Variants in SMARCC1 observed in about 807,000 individuals in gnomAD.
The protein encoded by SMARCC1 is SWI/SNF related BAF chromatin remodeling complex subunit C1.
Under a neutral mutation model 147.4 loss-of-function variants are expected in SMARCC1, and 43 were observed. The ratio of observed to expected loss-of-function variants is 0.29; its 90% CI spans 0.23 to 0.38. SMARCC1 has a LOEUF of 0.38. Among genes scored for constraint, SMARCC1 ranks in the 10% least tolerant of loss-of-function variants. The pLI is 1.00. For missense variants in SMARCC1, 1,119 were observed against 1,381.1 expected, an observed-to-expected ratio of 0.81 and a Z score of 3.01; for synonymous variants, 495 against 484.4, an observed-to-expected ratio of 1.02 and a Z score of -0.29.
chr3:47,747,486 A>ATAAATATAAAT (rs1185664403), intron 2 of SMARCC1, among the ~76,000 whole-genome samples: 10 of 12,712 alleles, frequency 7.9e-4, no homozygotes, highest in Non-Finnish European at 5.6e-3. Context: ...TAAATATAAA[A>ATAAATATAAAT]ATTAGCCAGG....
intron 26 of SMARCC1, among the ~76,000 whole-genome samples, chr3:47,591,523 T>C (rs1298891923): frequency 6.6e-6 from 1 of 151,544 alleles, no homozygotes; most frequent in Non-Finnish European, 1.5e-5. Flanking sequence ...TCCCTTTCCT[T>C]TTCCCTTCCT....
At chr3:47,602,018 T>C (rs1165757942) in intron 26 of SMARCC1, among the ~76,000 whole-genome samples, 3 of 151,908 alleles carry the variant, frequency 2.0e-5, no homozygotes, top group African/African-American at 4.8e-5. Flanking sequence ...GCTTTTCTTT[T>C]TCGGTGTGGG....
chr3:47,734,019 A>G (rs2034410887), intron 5 of SMARCC1, among the ~76,000 whole-genome samples: 1 of 152,048 alleles, frequency 6.6e-6, no homozygotes, highest in Non-Finnish European at 1.5e-5. Context: ...ATATGTATAC[A>G]CATATGTATA....
intron 2 of SMARCC1, among the ~76,000 whole-genome samples, chr3:47,762,865 G>A (rs2034790356): frequency 6.6e-6 from 1 of 152,288 alleles, no homozygotes; most frequent in East Asian, 1.9e-4. Context: ...AGGAGATCGA[G>A]ACCATCCTGG....
chr3:47,665,623 T>A (rs2033410395), intron 19 of SMARCC1, among the ~76,000 whole-genome samples: 1 of 152,110 alleles, frequency 6.6e-6, no homozygotes, highest in Non-Finnish European at 1.5e-5. Flanking sequence ...GAGTTGAGAA[T>A]CTGTAAATGT....
chr3:47,737,072 T>A (rs78194131), intron 4 of SMARCC1, among the ~76,000 whole-genome samples: 1,568 of 152,144 alleles, frequency 0.01, 23 homozygotes, highest in African/African-American at 0.036. Context: ...AAGTGAACAG[T>A]AGGATGGAAG....
At chr3:47,748,671 T>G (rs1170641581) in intron 2 of SMARCC1, among the ~76,000 whole-genome samples, 1 of 152,176 alleles carries the variant, frequency 6.6e-6, no homozygotes, top group African/African-American at 2.4e-5. Flanking sequence ...TTCCACATTA[T>G]GAAGGTAAAA....
chr3:47,738,716 A>G lies in SMARCC1; in HGVS notation c.402-606T>C, dbSNP rs532310278. On this transcript the variant is annotated intron_variant, in intron 3 of 27. Transcript: ENST00000254480. ...AAAAAATCATTTGTTCAAATTCAGC[A>G]GTATCTGTGTTCTCTTAGATAAAGG... is the stretch of plus-strand genomic sequence containing the variant. Among the ~76,000 whole-genome samples the G allele has an allele frequency of 5.3e-5, 8 of 152,258 alleles. No individual in the cohort carries two copies. The South Asian group carries it at 8.3e-4, about 16-fold the overall frequency.
At chr3:47,766,031 C>G (rs750907603) in intron 2 of SMARCC1, among the ~76,000 whole-genome samples, 6 of 152,126 alleles carry the variant, frequency 3.9e-5, no homozygotes, top group Non-Finnish European at 8.8e-5. Context: ...CTGCCCCCAG[C>G]CTAAATGATT....
chr3:47,772,913 G>A lies in SMARCC1; in HGVS notation c.219C>T (p.Thr73=). 6.2e-7 allele frequency: 1 copy of A among 1,613,058 alleles called. No homozygotes were observed. The highest frequency in any genetic ancestry group is 8.5e-7 in the Non-Finnish European group (1 of 1,179,434). The change falls in exon 2 of 28, where the codon ACC becomes ACT. Residue 73 remains threonine, a synonymous_variant. Coordinates refer to ENST00000254480, the MANE Select transcript of SMARCC1 (RefSeq NM_003074.4). ...YKKYVHADAP[T]NKTLAGLVVQ... ...CCACCAGCCCAGCCAGTGTTTTATTGGTAGGAGCATCCGCATGAACATACT... is the reference window on the plus strand; with the variant it reads ...CCACCAGCCCAGCCAGTGTTTTATTAGTAGGAGCATCCGCATGAACATACT...
Position 47,588,394 on chromosome 3 carries a change from G to A in SMARCC1, c.3221-88C>T, listed in dbSNP as rs558718452. 3.0e-5 allele frequency: 39 copies of A among 1,279,748 alleles called. No individual in the cohort carries two copies. In the African/African-American group the frequency reaches 4.9e-4, roughly 16 times the overall value. 79.3% of individuals were successfully genotyped at this position (1,279,748 alleles called of 1,614,324 possible). On this transcript the variant is annotated intron_variant, in intron 27 of 27. Transcript: ENST00000254480. Reference sequence around the variant, plus strand: ...TATTCAGTGAAAAAAAGACACAGAAGTCCTTTCCTTAGTGGCAGGCAACCA... The same window carrying A: ...TATTCAGTGAAAAAAAGACACAGAAATCCTTTCCTTAGTGGCAGGCAACCA...
At chr3:47,709,646 A>G (rs1164921541) in intron 9 of SMARCC1, among the ~76,000 whole-genome samples, 1 of 152,166 alleles carries the variant, frequency 6.6e-6, no homozygotes, top group African/African-American at 2.4e-5. Context: ...AGATCGCGCC[A>G]CTGCATTCCA....
intron 2 of SMARCC1, among the ~76,000 whole-genome samples, chr3:47,760,525 T>C (rs931416962): frequency 6.6e-6 from 1 of 151,414 alleles, no homozygotes; most frequent in Non-Finnish European, 1.5e-5. Flanking sequence ...AGCTGGGCGT[T>C]GTGGCGCATG....
chr3:47,730,448 G>A (rs1207210597), intron 5 of SMARCC1, among the ~76,000 whole-genome samples: 6 of 152,132 alleles, frequency 3.9e-5, no homozygotes, highest in Non-Finnish European at 8.8e-5. Context: ...GCCAGTGTAC[G>A]TTAGCCTGGG....
intron 16 of SMARCC1, 35 bp from the exon 17 acceptor site, chr3:47,676,817 GA>G: frequency 6.3e-7 from 1 of 1,588,844 alleles, no homozygotes; most frequent in Non-Finnish European, 8.6e-7. Context: ...AAAATCTAAA[GA>G]ATCAACTTCA....
At chr3:47,759,290 G>C (rs190440500) in intron 2 of SMARCC1, among the ~76,000 whole-genome samples, 45 of 151,662 alleles carry the variant, frequency 3.0e-4, no homozygotes, top group African/African-American at 1.0e-3. Flanking sequence ...TTGGATTATG[G>C]GAGTGAGCCA....
chr3:47,688,084 ACT>A (rs2033747359), intron 13 of SMARCC1, among the ~76,000 whole-genome samples: 1 of 152,026 alleles, frequency 6.6e-6, no homozygotes, highest in Middle Eastern at 3.4e-3. Context: ...ACATGGTGAA[ACT>A]CTGTCTCTAC....
chr3:47,773,314 A>G (rs925581577), intron 1 of SMARCC1, among the ~76,000 whole-genome samples: 1 of 151,454 alleles, frequency 6.6e-6, no homozygotes, highest in Non-Finnish European at 1.5e-5. Flanking sequence ...TTTAGTAGAG[A>G]CGGGGTTTCA....
chr3:47,704,210 T>C (rs1157621823), intron 10 of SMARCC1, among the ~76,000 whole-genome samples: 3 of 151,994 alleles, frequency 2.0e-5, no homozygotes, highest in African/African-American at 7.3e-5. Flanking sequence ...CCTATAAACC[T>C]AAAGGCAGCA....
Sources: allele counts gnomAD v4.1 joint callset (sites outside exome capture counted in the v4.1 genomes callset), GRCh38; gene constraint gnomAD v4.1.1; transcripts MANE v1.5; gene names NCBI Gene and HGNC (gene_info 2026-07-23, HGNC 2026-07-21).